Variants in AKAP3 observed in about 807,000 individuals in gnomAD.
AKAP3 encodes the protein A-kinase anchor protein 3.
In AKAP3, 27 loss-of-function variants were observed where a neutral mutation model predicts 57.2. The observed-to-expected ratio is 0.47, with a 90% confidence interval of 0.35 to 0.65. AKAP3 has a LOEUF of 0.65. AKAP3 is among the 30% of genes least tolerant of loss of function. The probability of loss-of-function intolerance (pLI) is 0.01; values close to 1 mark genes in which losing one functional copy is unlikely to be tolerated. For missense variants in AKAP3, 959 were observed against 1,040.0 expected (o/e 0.92, Z 1.07); for synonymous variants, 334 against 392.3 (o/e 0.85, Z 1.76).
intron 5 of AKAP3, among the ~76,000 whole-genome samples, chr12:4,621,375 G>T (rs1329607674): frequency 6.6e-6 from 1 of 152,028 alleles, no homozygotes; most frequent in African/African-American, 2.4e-5. Context: ...CTAGGCCTTC[G>T]CATTCACTCA....
chr12:4,626,649 C>T lies in AKAP3; in HGVS notation c.2253G>A (p.Gly751=), dbSNP rs779141768. The change falls in exon 5 of 6, where the codon GGG becomes GGA. Residue 751 remains glycine, a synonymous_variant. Transcript: ENST00000228850. ...TGACAATCACCGTGGGTGCTGCACACCCTTCAGGGGGCTGTCCTGATGTGC... is the reference window on the plus strand; with the variant it reads ...TGACAATCACCGTGGGTGCTGCACATCCTTCAGGGGGCTGTCCTGATGTGC... ...MRGTSGQPPE[G]CAAPTVIVSN... The T allele has an allele frequency of 6.2e-6, 10 of 1,614,112 alleles. No homozygotes were observed. In the South Asian group the frequency reaches 8.8e-5, roughly 14 times the overall value.
chr12:4,626,606 C>T lies in AKAP3; in HGVS notation c.2296G>A (p.Asp766Asn). The T allele has an allele frequency of 4.3e-6, 7 of 1,614,166 alleles. No individual in the cohort carries two copies. Among genetic ancestry groups the T allele is most frequent in the Non-Finnish European group, 5.9e-6 (7 of 1,180,026 alleles). Residue 766 changes from aspartate (D) to asparagine (N), a missense_variant, in exon 5 of 6, where the codon GAC (aspartate) becomes AAC (asparagine). Coordinates refer to ENST00000228850, the MANE Select transcript of AKAP3 (RefSeq NM_001278309.2). ...TVIVSNHNLT[D>N]TVQNKQLQAV... ...TGGAGTTGCTTGTTCTGAACTGTGT[C>T]CGTTAGGTTGTGATTGCTGACAATC... is the stretch of plus-strand genomic sequence containing the variant.
Position 4,648,985 on chromosome 12 carries a change from A to G in AKAP3, c.-485T>C. The G allele has an allele frequency of 2.2e-6, 2 of 912,536 alleles. No homozygotes were observed. The highest frequency in any genetic ancestry group is 2.7e-5 in the East Asian group (1 of 37,572). The allele number at this position is 912,536 out of a possible 1,614,324, so 56.5% of individuals were successfully genotyped here. ...TCTTCCCCCTCTCCTTCACTTTCCC[A>G]GCTTTCTTCTTAACCAACAATCTAC... is the stretch of plus-strand genomic sequence containing the variant. On this transcript the variant is annotated 5_prime_UTR_variant, in exon 1 of 6. Coordinates refer to ENST00000228850, the MANE Select transcript of AKAP3 (RefSeq NM_001278309.2).
At chr12:4,616,925 G>C (rs1337868851) in intron 5 of AKAP3, among the ~76,000 whole-genome samples, 2 of 152,094 alleles carry the variant, frequency 1.3e-5, no homozygotes, top group African/African-American at 4.8e-5. Flanking sequence ...TAATAGATGA[G>C]AGTATTCCTA....
At chr12:4,632,228 G>C (rs1006695165) in intron 4 of AKAP3, among the ~76,000 whole-genome samples, 3 of 134,404 alleles carry the variant, frequency 2.2e-5, no homozygotes, top group Non-Finnish European at 3.4e-5. Flanking sequence ...TTATAAAGAG[G>C]CTACCTCTTT....
chr12:4,635,849 T>C (rs552137040), intron 4 of AKAP3: 11 of 666,954 alleles, frequency 1.6e-5, no homozygotes, highest in Middle Eastern at 2.6e-4. Flanking sequence ...ACCACTTTAA[T>C]TTATCCAAAA....
Position 4,625,462 on chromosome 12 carries a change from G to C in AKAP3, c.2406+1034C>G, listed in dbSNP as rs1385623645. Among the ~76,000 whole-genome samples the C allele has an allele frequency of 6.6e-6, 1 of 152,140 alleles. No individual in the cohort carries two copies. Among genetic ancestry groups the C allele is most frequent in the Non-Finnish European group, 1.5e-5 (1 of 68,024 alleles). On this transcript the variant is annotated intron_variant, in intron 5 of 5. Coordinates refer to ENST00000228850, the MANE Select transcript of AKAP3 (RefSeq NM_001278309.2). This position sits in a 1 kb window ranked among gnomAD's most constrained non-coding sequence, Gnocchi z 5.4. Reference sequence around the variant, plus strand: ...TGCTCTGTAATCGTGTGTTTTCCCAGTCATCAGATAAATATAGCGACCCAG... The same window carrying C: ...TGCTCTGTAATCGTGTGTTTTCCCACTCATCAGATAAATATAGCGACCCAG...
chr12:4,624,438 C>G (rs1460332645), intron 5 of AKAP3, among the ~76,000 whole-genome samples: 3 of 151,054 alleles, frequency 2.0e-5, no homozygotes, highest in Non-Finnish European at 4.4e-5. Flanking sequence ...ATGGAGCACA[C>G]AAATGAGAAA....
In AKAP3 at chr12:4,625,509, T is replaced by C. The variant is rs749581541; in HGVS notation, c.2406+987A>G. Reference sequence around the variant, plus strand: ...CCAGTTGCAAGCGTTGCTAATACCATGTAAATACCACTTAATTAAGCAGAG... The same window carrying C: ...CCAGTTGCAAGCGTTGCTAATACCACGTAAATACCACTTAATTAAGCAGAG... On this transcript the variant is annotated intron_variant, in intron 5 of 5. Coordinates refer to ENST00000228850, the MANE Select transcript of AKAP3 (RefSeq NM_001278309.2). The surrounding 1 kb of genome is among the most constrained non-coding windows in gnomAD (Gnocchi z 5.4). Among the ~76,000 whole-genome samples the C allele has an allele frequency of 1.2e-4, 19 of 152,342 alleles. No individual in the cohort carries two copies. The highest frequency in any genetic ancestry group is 1.0e-3 in the South Asian group (5 of 4,824).
chr12:4,617,747 GTC>G lies in AKAP3; in HGVS notation c.2407-1855_2407-1854del, dbSNP rs761697647. Among the ~76,000 whole-genome samples, 259 of 108,610 alleles carry G rather than the reference GTC, an allele frequency of 2.4e-3. 2 individuals are homozygous for G. Among genetic ancestry groups the G allele is most frequent in the Admixed American group, 6.8e-3 (68 of 9,972 alleles). 71.3% of individuals were successfully genotyped at this position (108,610 alleles called of 152,430 possible). A position where few individuals can be genotyped will look rare whatever the true frequency, so the allele number is the denominator to read the frequency against. On this transcript the variant is annotated intron_variant, in intron 5 of 5. Coordinates refer to ENST00000228850, the MANE Select transcript of AKAP3 (RefSeq NM_001278309.2). Reference sequence around the variant, plus strand: ...AGCCTGAGCAACAGAGTGAGATTCTGTCTCAAAAAAAAAAAAAAAAAGTGTTT... The same window carrying G: ...AGCCTGAGCAACAGAGTGAGATTCTGTCAAAAAAAAAAAAAAAAAGTGTTT...
At chr12:4,633,843 T>C (rs1696380554) in intron 4 of AKAP3, among the ~76,000 whole-genome samples, 1 of 151,958 alleles carries the variant, frequency 6.6e-6, no homozygotes, top group Non-Finnish European at 1.5e-5. Flanking sequence ...ACCTCCCATT[T>C]TGAAATGATC....
chr12:4,647,828 T>G (rs1945717365), intron 1 of AKAP3: 1 of 151,124 alleles, frequency 6.6e-6, no homozygotes, highest in African/African-American at 2.4e-5. Flanking sequence ...TCCAATTCAA[T>G]TTGTTAGGCG....
chr12:4,627,250 A>G lies in AKAP3; in HGVS notation c.1652T>C (p.Val551Ala), dbSNP rs1221205210. 6.8e-6 allele frequency: 11 copies of G among 1,613,934 alleles called. No homozygotes were observed. The highest frequency in any genetic ancestry group is 1.1e-5 in the South Asian group (1 of 91,058). ...QGGRRDARSF[V>A]EAAGTTNFPA... ...AAAGTTGGTGGTGCCAGCAGCTTCA[A>G]CGAAGCTCCGTGCATCCCTTCTTCC... The change falls in exon 5 of 6, where the codon GTT becomes GCT. Residue 551 changes from valine (V) to alanine (A), a missense_variant. Transcript: ENST00000228850.
intron 4 of AKAP3, among the ~76,000 whole-genome samples, chr12:4,634,610 T>G (rs1021391497): frequency 1.3e-5 from 2 of 152,188 alleles, no homozygotes; most frequent in African/African-American, 2.4e-5. Context: ...CACAGACACC[T>G]GGTTTATTTC....
intron 5 of AKAP3, among the ~76,000 whole-genome samples, chr12:4,624,570 G>A (rs903603808): frequency 2.0e-5 from 3 of 152,060 alleles, no homozygotes; most frequent in African/African-American, 7.2e-5. Context: ...AGACATCCCA[G>A]TGACAGCAGG....
chr12:4,638,153 C>T lies in AKAP3; in HGVS notation c.44G>A (p.Cys15Tyr), dbSNP rs150896332. The T allele has an allele frequency of 1.0e-4, 161 of 1,613,518 alleles. 1 individual carries two copies. The East Asian group carries it at 3.5e-3, about 35-fold the overall frequency. Reference sequence around the variant, plus strand: ...TCCAGGAGAATAGACATCAACTTTGCATACTCCATTTTGGCTTTGTAACCA... The same window carrying T: ...TCCAGGAGAATAGACATCAACTTTGTATACTCCATTTTGGCTTTGTAACCA... ...VDWLQSQNGV[C>Y]KVDVYSPGDN... Residue 15 changes from cysteine (C) to tyrosine (Y), a missense_variant, in exon 4 of 6, where the codon TGC becomes TAC. By Grantham distance (194) the Cys-to-Tyr change is radical. Transcript: ENST00000228850.
Position 4,628,291 on chromosome 12 carries a change from C to T in AKAP3, c.611G>A (p.Gly204Glu). 1 of 1,614,068 alleles carries T rather than the reference C, an allele frequency of 6.2e-7. No homozygotes were observed. Among genetic ancestry groups the T allele is most frequent in the Non-Finnish European group, 8.5e-7 (1 of 1,179,976 alleles). The change falls in exon 5 of 6, where the codon GGA becomes GAA. Residue 204 changes from glycine (G) to glutamate (E), a missense_variant. Gly to Glu is a moderately conservative substitution (Grantham distance 98). Transcript: ENST00000228850. ...KAPGSGDRVS[G>E]SSQSPPNLKY... ...CAAATTTGGGGGACTTTGTGATGAT[C>T]CCGAGACTCTGTCTCCAGAGCCAGG...
chr12:4,645,517 T>C (rs1044562214), intron 1 of AKAP3: 1 of 152,134 alleles, frequency 6.6e-6, no homozygotes, highest in East Asian at 1.9e-4. Context: ...TATGCCATAA[T>C]ATAGAATCAG....
At chr12:4,633,866 A>T (rs1463641844) in intron 4 of AKAP3, among the ~76,000 whole-genome samples, 2 of 151,850 alleles carry the variant, frequency 1.3e-5, no homozygotes, top group Non-Finnish European at 2.9e-5. Context: ...TTCTTTAAAC[A>T]CCTATAGCAA....
Sources: gnomAD v4.1 joint callset for allele counts (sites outside exome capture counted in the v4.1 genomes callset) on GRCh38, gnomAD v4.1.1 for gene constraint, Gnocchi (gnomAD v3.1) non-coding constraint, MANE v1.5 for transcripts, NCBI Gene and HGNC (gene_info 2026-07-23, HGNC 2026-07-21) for gene names.